CTNNA3: variants seen among roughly 807,000 people sequenced by gnomAD.
CTNNA3 encodes catenin alpha-3.
Under a neutral mutation model 95.7 loss-of-function variants are expected in CTNNA3, and 76 were observed. The observed-to-expected ratio is 0.79, with a 90% CI of 0.66 to 0.96. The LOEUF (loss-of-function observed/expected upper bound fraction) is 0.96, where lower values mean the gene tolerates loss of function less well. CTNNA3 is among the 40% of genes least tolerant of loss of function. CTNNA3 has a pLI of 0.00. For missense variants in CTNNA3, 1,191 were observed against 1,089.8 expected (o/e 1.09, Z -1.31); for synonymous variants, 431 against 374.4 (o/e 1.15, Z -1.74).
At chr10:66,115,997 AAT>A (rs1564661505) in intron 13 of CTNNA3, among the ~76,000 whole-genome samples, 50 of 151,612 alleles carry the variant, frequency 3.3e-4, no homozygotes, top group Non-Finnish European at 5.6e-4. Flanking sequence ...TACACTGCTA[AAT>A]TAAAGTAGCT....
intron 10 of CTNNA3, among the ~76,000 whole-genome samples, chr10:66,550,484 C>T (rs1172269490): frequency 6.6e-6 from 1 of 152,060 alleles, no homozygotes; most frequent in African/African-American, 2.4e-5. Context: ...TGGACACAAC[C>T]GTGACCATTC....
rs1417713676 is a variant in CTNNA3 at position 66,331,338 on chromosome 10, G to GCTTGCTTTTTTTTTTTTTTTTTTTT, written c.1732+47813_1732+47814insAAAAAAAAAAAAAAAAAAAAGCAAG. Among the ~76,000 whole-genome samples, 13 of 39,116 alleles carry GCTTGCTTTTTTTTTTTTTTTTTTTT rather than the reference G, an allele frequency of 3.3e-4. 4 individuals carry two copies. Among genetic ancestry groups the GCTTGCTTTTTTTTTTTTTTTTTTTT allele is most frequent in the African/African-American group, 7.2e-4 (10 of 13,984 alleles). The allele number at this position is 39,116 out of a possible 152,430, so 25.7% of individuals were successfully genotyped here. A position where few individuals can be genotyped will look rare whatever the true frequency, so the allele number is the denominator to read the frequency against. On this transcript the variant is annotated intron_variant, in intron 12 of 17. Transcript: ENST00000433211. ...TTAAATATGGACTCCTTTCCCCATT[G>GCTTGCTTTTTTTTTTTTTTTTTTTT]TTTGTTTTTTTTTTTTTTTTTTTTT...
intron 12 of CTNNA3, among the ~76,000 whole-genome samples, chr10:66,332,035 G>C (rs900008117): frequency 5.9e-5 from 9 of 151,864 alleles, no homozygotes; most frequent in Non-Finnish European, 8.8e-5. Context: ...CTCATGATTT[G>C]GCTCTCTGTT....
At chr10:67,072,089 A>G (rs1472660507) in intron 7 of CTNNA3, among the ~76,000 whole-genome samples, 1 of 152,118 alleles carries the variant, frequency 6.6e-6, no homozygotes, top group Admixed American at 6.6e-5. Flanking sequence ...AGTAGCTGGG[A>G]TTACAGACAT....
intron 13 of CTNNA3, among the ~76,000 whole-genome samples, chr10:66,166,696 C>T (rs1047661984): frequency 1.3e-5 from 2 of 151,712 alleles, no homozygotes; most frequent in Non-Finnish European, 2.9e-5. Context: ...ATAATCAAAA[C>T]ATGGAAACAT....
intron 11 of CTNNA3, among the ~76,000 whole-genome samples, chr10:66,481,977 G>A (rs1440072198): frequency 6.6e-6 from 1 of 151,992 alleles, no homozygotes; most frequent in Non-Finnish European, 1.5e-5. Context: ...AGAGAGACAT[G>A]AGAAAATAAA....
chr10:67,669,993 GACACTAACA>G (rs1564821097), intron 1 of CTNNA3, among the ~76,000 whole-genome samples: 1 of 152,164 alleles, frequency 6.6e-6, no homozygotes, highest in Non-Finnish European at 1.5e-5. Flanking sequence ...AAATTAAAGG[GACACTAACA>G]CATATTAATA....
At chr10:66,512,800 T>A (rs1467215656) in intron 11 of CTNNA3, among the ~76,000 whole-genome samples, 1 of 152,084 alleles carries the variant, frequency 6.6e-6, no homozygotes, top group Non-Finnish European at 1.5e-5. Flanking sequence ...AGTTTTTTCT[T>A]TTTTTTATTC....
chr10:66,426,625 C>A (rs2093243809), intron 11 of CTNNA3, among the ~76,000 whole-genome samples: 1 of 151,570 alleles, frequency 6.6e-6, no homozygotes, highest in African/African-American at 2.4e-5. Context: ...TTTTCCTATG[C>A]AAGCAATCTG....
In CTNNA3 at chr10:67,522,661, T is replaced by C. The variant is rs148610262; in HGVS notation, c.460-700A>G. ...GTTCTGCTGAATCAGAATGCTCCTA[T>C]TCTTTTTAAATCAGATACTAGATAA... On this transcript the variant is annotated intron_variant, in intron 4 of 17. Transcript: ENST00000433211. Among the ~76,000 whole-genome samples the C allele has an allele frequency of 7.7e-3, 1,170 of 151,558 alleles. 12 individuals are homozygous for C. The highest frequency in any genetic ancestry group is 0.027 in the African/African-American group (1,116 of 41,262).
At chr10:66,259,001 G>C (rs543413143) in intron 13 of CTNNA3, among the ~76,000 whole-genome samples, 1 of 152,130 alleles carries the variant, frequency 6.6e-6, no homozygotes, top group South Asian at 2.1e-4. Flanking sequence ...AACCTCTACT[G>C]ATTGGTTTCT....
intron 5 of CTNNA3, among the ~76,000 whole-genome samples, chr10:67,480,109 A>G (rs1430300786): frequency 6.6e-6 from 1 of 152,086 alleles, no homozygotes; most frequent in Non-Finnish European, 1.5e-5. Context: ...ACCAACCAAA[A>G]AAAAAAGCCC....
At chr10:66,304,764 T>C (rs1461217993) in intron 12 of CTNNA3, among the ~76,000 whole-genome samples, 1 of 152,052 alleles carries the variant, frequency 6.6e-6, no homozygotes, top group Admixed American at 6.6e-5. Context: ...AACAAAAGTA[T>C]AGGAACAGGT....
At chr10:67,379,857 TAAAAATACAAAA>T (rs1843857606) in intron 5 of CTNNA3, among the ~76,000 whole-genome samples, 4 of 151,566 alleles carry the variant, frequency 2.6e-5, no homozygotes, top group Admixed American at 2.6e-4. Context: ...CCGTCTCTAC[TAAAAATACAAAA>T]AATTAGCCGG....
At chr10:66,632,135 T>C (rs1293215455) in intron 9 of CTNNA3, among the ~76,000 whole-genome samples, 1 of 152,134 alleles carries the variant, frequency 6.6e-6, no homozygotes, top group South Asian at 2.1e-4. Context: ...AAACTCAGTA[T>C]TGCAAAATAT....
chr10:66,157,449 TA>T (rs1311675270), intron 13 of CTNNA3, among the ~76,000 whole-genome samples: 5 of 144,882 alleles, frequency 3.5e-5, no homozygotes, highest in Non-Finnish European at 6.1e-5. Context: ...AGATAGATGA[TA>T]GATAGATAGA....
At chr10:66,421,783 C>A (rs1448677297) in intron 11 of CTNNA3, among the ~76,000 whole-genome samples, 1 of 143,904 alleles carries the variant, frequency 6.9e-6, no homozygotes, top group Non-Finnish European at 1.5e-5. Context: ...TGCAGTGAGC[C>A]GAGACTGTGC....
At chr10:67,367,280 A>G (rs1843251113) in intron 5 of CTNNA3, among the ~76,000 whole-genome samples, 2 of 152,330 alleles carry the variant, frequency 1.3e-5, no homozygotes, top group Admixed American at 1.3e-4. Context: ...AAAGAACATT[A>G]ACAGACATTT....
chr10:67,591,360 A>T (rs1842782766), intron 3 of CTNNA3, among the ~76,000 whole-genome samples: 1 of 152,166 alleles, frequency 6.6e-6, no homozygotes, highest in Non-Finnish European at 1.5e-5. Flanking sequence ...ATACTTAAGA[A>T]ACCAAAAGGA....
Sources: gnomAD v4.1 joint callset for allele counts (sites outside exome capture counted in the v4.1 genomes callset) on GRCh38, gnomAD v4.1.1 for gene constraint, MANE v1.5 for transcripts, NCBI Gene and HGNC (gene_info 2026-07-23, HGNC 2026-07-21) for gene names.